ASPM: variants seen among roughly 807,000 people sequenced by gnomAD.
ASPM encodes assembly factor for spindle microtubules.
A neutral mutation model predicts 366.4 loss-of-function variants in ASPM; 256 were observed. That is an observed-to-expected ratio of 0.70 (90% CI 0.63 to 0.77). The LOEUF is 0.77. ASPM is among the 30% of genes least tolerant of loss of function. The pLI is 0.00. For missense variants in ASPM, 4,146 were observed against 4,090.4 expected, an observed-to-expected ratio of 1.01 and a Z score of -0.37; for synonymous variants, 1,414 against 1,342.9, an observed-to-expected ratio of 1.05 and a Z score of -1.16.
chr1:197,089,813 G>T, intron 25 of ASPM, 117 bp downstream of exon 25: 1 of 975,956 alleles, frequency 1.0e-6, no homozygotes, highest in Non-Finnish European at 1.6e-6. Flanking sequence ...TAAGACTCTT[G>T]CACATAAATG....
In ASPM at chr1:197,101,114, TTTTC is replaced by T. The variant is rs587783278; in HGVS notation, c.8133_8136del (p.Lys2712LeufsTer16). The T allele has an allele frequency of 2.6e-5, 42 of 1,611,996 alleles. No homozygotes were observed. The highest frequency in any genetic ancestry group is 1.6e-4 in the Middle Eastern group (1 of 6,070). ...TAATTCTGTATAACCACAATTGCAG[TTTTC>T]TTTGTTTCATAATCAACTTTGGCCC... On this transcript the variant is annotated frameshift_variant, in exon 18 of 28. Coordinates refer to ENST00000367409, the MANE Select transcript of ASPM (RefSeq NM_018136.5). LOFTEE classifies it high-confidence loss of function.
chr1:197,129,643 T>TA (rs1303828908), intron 8 of ASPM, among the ~76,000 whole-genome samples: 10 of 152,228 alleles, frequency 6.6e-5, no homozygotes, highest in South Asian at 4.1e-4. Flanking sequence ...TCGTAGGTGT[T>TA]AGATATACAG....
intron 10 of ASPM, among the ~76,000 whole-genome samples, chr1:197,127,115 GTTCT>G (rs1237012120): frequency 9.9e-5 from 15 of 152,056 alleles, no homozygotes; most frequent in Non-Finnish European, 1.0e-4. Context: ...AATATTCACA[GTTCT>G]TTCAATTGGT....
In ASPM at chr1:197,146,330, C is replaced by G. The variant is rs780926288; in HGVS notation, c.108G>C (p.Pro36=). 14 of 1,613,004 alleles carry G rather than the reference C, an allele frequency of 8.7e-6. No individual in the cohort carries two copies. The highest frequency in any genetic ancestry group is 1.0e-5 in the Non-Finnish European group (12 of 1,179,942). ...AGAAGTGGCTGAGAGACAGGACCGGCGGGGAAGACGCCTCCTCCTCGGCCG... is the reference window on the plus strand; with the variant it reads ...AGAAGTGGCTGAGAGACAGGACCGGGGGGGAAGACGCCTCCTCCTCGGCCG... ...GPAAEEEASS[P]PVLSLSHFCR... The change falls in exon 1 of 28, where the codon CCG becomes CCC. Residue 36 remains proline, a synonymous_variant. Coordinates refer to ENST00000367409, the MANE Select transcript of ASPM (RefSeq NM_018136.5).
chr1:197,099,225 A>ATT (rs751965402), intron 18 of ASPM, among the ~76,000 whole-genome samples: 6 of 140,524 alleles, frequency 4.3e-5, no homozygotes, highest in African/African-American at 5.2e-5. Flanking sequence ...TGCCAGAGTA[A>ATT]TTTTTTTTTT....
At chr1:197,085,607 C>G (rs1052563849) in intron 27 of ASPM, among the ~76,000 whole-genome samples, 1 of 152,010 alleles carries the variant, frequency 6.6e-6, no homozygotes, top group Non-Finnish European at 1.5e-5. Flanking sequence ...TAAACATGAA[C>G]GAATTTCAAA....
chr1:197,139,198 T>A, intron 4 of ASPM: 1 of 969,078 alleles, frequency 1.0e-6, no homozygotes, highest in Non-Finnish European at 1.6e-6. Context: ...TCACAGTGAT[T>A]TTCATTTTCC....
At position 197,122,188 on chromosome 1, in the gene ASPM, C is replaced by T. The variant is rs748434807; in HGVS notation, c.3712G>A (p.Asp1238Asn). Residue 1238 changes from aspartate to asparagine, a missense_variant, in exon 15 of 28, where the codon GAT becomes AAT. By Grantham distance (23) the Asp-to-Asn change is conservative. This residue lies in a region of ASPM where 3,624 missense variants were observed against 3,591.7 expected (regional missense o/e 1.01). Coordinates refer to ENST00000367409, the MANE Select transcript of ASPM (RefSeq NM_018136.5). ...GGIPAMINHS[D>N]MSNTIPDEKV... ...TCATCTGGAATTGTATTTGACATAT[C>T]TGAATGATTAATCATAGCAGGTATT... The T allele has an allele frequency of 7.4e-6, 12 of 1,611,838 alleles. No homozygotes were observed. The highest frequency in any genetic ancestry group is 9.3e-6 in the Non-Finnish European group (11 of 1,178,256).
intron 27 of ASPM, 131 bp downstream of exon 27, chr1:197,086,672 A>T (rs1656597329): frequency 3.7e-6 from 3 of 811,354 alleles, no homozygotes; most frequent in Non-Finnish European, 6.3e-6. Flanking sequence ...TTTACCAAAC[A>T]TTCCATTCTT....
Position 197,089,911 on chromosome 1 carries a change from T to A in ASPM, c.9984+19A>T. On this transcript the variant is annotated intron_variant, in intron 25 of 27. Transcript: ENST00000367409. ...ATTTGTTGACCAGTGAATATCTCAT[T>A]AATAAAATGAAAAACTACCTTAGAT... 6.2e-7 allele frequency: 1 copy of A among 1,609,652 alleles called. No individual in the cohort carries two copies. Among genetic ancestry groups the A allele is most frequent in the East Asian group, 2.2e-5 (1 of 44,772 alleles).
intron 4 of ASPM, chr1:197,139,308 T>C: frequency 3.6e-6 from 3 of 825,920 alleles, no homozygotes; most frequent in Non-Finnish European, 2.0e-6. Flanking sequence ...TAACAGCCCA[T>C]GTTTTTGGCC....
intron 10 of ASPM, among the ~76,000 whole-genome samples, chr1:197,127,981 C>A (rs1043925676): frequency 7.9e-5 from 12 of 151,838 alleles, no homozygotes; most frequent in Admixed American, 1.3e-4. Context: ...CTGGCTAACA[C>A]GGTGAAACCC....
At chr1:197,127,220 C>T (rs370115921) in intron 10 of ASPM, among the ~76,000 whole-genome samples, 4 of 152,160 alleles carry the variant, frequency 2.6e-5, no homozygotes, top group African/African-American at 7.2e-5. Flanking sequence ...ATCCAAATAG[C>T]TTCTTTCCTA....
At chr1:197,118,056 C>T (rs950307675) in intron 16 of ASPM, 73 bp from the exon 17 acceptor site, 66 of 1,398,638 alleles carry the variant, frequency 4.7e-5, no homozygotes, top group Non-Finnish European at 5.3e-5. Context: ...GTAAGATAAC[C>T]ATATGTTAAA....
At chr1:197,108,950 G>A (rs1415538512) in intron 17 of ASPM, among the ~76,000 whole-genome samples, 6 of 128,904 alleles carry the variant, frequency 4.7e-5, no homozygotes, top group Admixed American at 1.8e-4. Flanking sequence ...TAGCCTGGGC[G>A]ACAGAGCAAG....
intron 25 of ASPM, 97 bp downstream of exon 25, chr1:197,089,833 T>TA: frequency 6.0e-6 from 7 of 1,173,084 alleles, no homozygotes; most frequent in Admixed American, 3.9e-5. Flanking sequence ...GAATTTAACT[T>TA]AGAGATTTAA....
intron 27 of ASPM, among the ~76,000 whole-genome samples, chr1:197,086,559 A>G (rs1656594613): frequency 6.6e-6 from 1 of 152,230 alleles, no homozygotes; most frequent in Non-Finnish European, 1.5e-5. Context: ...TCTTAGCCTT[A>G]GCTCTTAACT....
At chr1:197,112,721 G>C (rs1039711632) in intron 17 of ASPM, among the ~76,000 whole-genome samples, 3 of 152,008 alleles carry the variant, frequency 2.0e-5, no homozygotes, top group Non-Finnish European at 1.5e-5. Context: ...TCCTGCCTTT[G>C]TCTCAAGTTA....
Position 197,117,820 on chromosome 1 carries a change from T to C in ASPM, c.4034A>G (p.Lys1345Arg), listed in dbSNP as rs1657786300. The C allele has an allele frequency of 6.2e-6, 10 of 1,612,944 alleles. No individual in the cohort carries two copies. In the East Asian group the frequency reaches 1.1e-4, roughly 18 times the overall value. Reference protein sequence around the residue: ...LLMLKKEKLEKVQNKAASLIQ... With the variant: ...LLMLKKEKLERVQNKAASLIQ... ...AAGTGATGCTGCTTTATTTTGAACTTTTTCCAGCTTTTCCTTTTTTAACAT... is the reference window on the plus strand; with the variant it reads ...AAGTGATGCTGCTTTATTTTGAACTCTTTCCAGCTTTTCCTTTTTTAACAT... The change falls in exon 17 of 28, where the codon AAA becomes AGA. Residue 1345 changes from lysine to arginine, a missense_variant. By Grantham distance (26) the Lys-to-Arg change is conservative. Around this residue, in one of 3 missense-constraint regions of ASPM, gnomAD observed 3,624 missense variants for 3,591.7 expected, o/e 1.01. Transcript: ENST00000367409.
Sources: allele counts gnomAD v4.1 joint callset (sites outside exome capture counted in the v4.1 genomes callset), GRCh38; gene constraint gnomAD v4.1.1; regional missense constraint gnomAD v4.1.1; transcripts MANE v1.5; gene names NCBI Gene and HGNC (gene_info 2026-07-23, HGNC 2026-07-21).